ITGAM: variants seen among roughly 807,000 people sequenced by gnomAD.
ITGAM encodes integrin alpha-M.
A neutral mutation model predicts 137.5 loss-of-function variants in ITGAM; 79 were observed. That is an observed-to-expected ratio of 0.57 (90% CI 0.48 to 0.69). The LOEUF (loss-of-function observed/expected upper bound fraction) is 0.69, where lower values mean the gene tolerates loss of function less well. Ranked by LOEUF, ITGAM falls within the 30% of genes least tolerant of loss-of-function variation. ITGAM has a pLI of 0.00. For missense variants in ITGAM, 1,343 were observed against 1,483.5 expected, an observed-to-expected ratio of 0.91 and a Z score of 1.56; for synonymous variants, 583 against 592.3, an observed-to-expected ratio of 0.98 and a Z score of 0.23.
chr16:31,274,901 G>A (rs1466267457), intron 8 of ITGAM, among the ~76,000 whole-genome samples: 1 of 152,208 alleles, frequency 6.6e-6, no homozygotes, highest in Admixed American at 6.5e-5. Context: ...TTATAGGCAT[G>A]AGCCACTGCA....
intron 19 of ITGAM, 94 bp downstream of exon 19, chr16:31,325,125 C>T (rs2080493552): frequency 1.4e-6 from 2 of 1,473,182 alleles, no homozygotes; most frequent in African/African-American, 1.4e-5. Context: ...CCGGGTGTTC[C>T]TGGGCTATAA....
chr16:31,265,423 G>T lies in ITGAM; in HGVS notation c.163G>T (p.Val55Leu). 6.2e-7 allele frequency: 1 copy of T among 1,606,580 alleles called. No individual in the cohort carries two copies. The highest frequency in any genetic ancestry group is 8.5e-7 in the Non-Finnish European group (1 of 1,177,044). The part of the protein sequence containing the change: ...RVVVGAPQEI[V>L]AANQRGSLYQ... ...GGTGGTTGGAGCCCCCCAGGAGATA[G>T]TGGCTGCCAACCAAAGGGGCAGCCT... The change falls in exon 3 of 30, where the codon GTG becomes TTG. Residue 55 changes from valine (V) to leucine (L), a missense_variant. Val to Leu is a conservative substitution (Grantham distance 32). Transcript: ENST00000544665.
Position 31,321,769 on chromosome 16 carries a change from G to A in ITGAM, c.2002+142G>A, listed in dbSNP as rs41469346. Reference sequence around the variant, plus strand: ...AACCTTCTCCAAGCCTTACCTGAGTGAGCAGGCTATTGTCCTGCTGGGTAG... The same window carrying A: ...AACCTTCTCCAAGCCTTACCTGAGTAAGCAGGCTATTGTCCTGCTGGGTAG... On this transcript the variant is annotated intron_variant, in intron 16 of 29. Coordinates refer to ENST00000544665, the MANE Select transcript of ITGAM (RefSeq NM_000632.4). The A allele has an allele frequency of 4.5e-5, 38 of 851,360 alleles. No homozygotes were observed. The African/African-American group carries it at 6.3e-4, about 14-fold the overall frequency. 52.7% of individuals were successfully genotyped at this position (851,360 alleles called of 1,614,324 possible). A position where few individuals can be genotyped will look rare whatever the true frequency, so the allele number is the denominator to read the frequency against.
chr16:31,280,453 A>G (rs970283962), intron 12 of ITGAM, among the ~76,000 whole-genome samples: 2 of 152,168 alleles, frequency 1.3e-5, no homozygotes, highest in South Asian at 2.1e-4. Flanking sequence ...GGTCCTTCAC[A>G]TCCCTTGTAA....
At chr16:31,314,821 G>GT (rs369241453) in intron 14 of ITGAM, among the ~76,000 whole-genome samples, 4,977 of 130,834 alleles carry the variant, frequency 0.038, 115 homozygotes, top group African/African-American at 0.059. Flanking sequence ...AGGAGGCAGG[G>GT]TTTTTTTTTT....
rs758993544 is a variant in ITGAM at position 31,321,576 on chromosome 16, G to A, written c.1951G>A (p.Val651Ile). The A allele has an allele frequency of 9.1e-5, 147 of 1,613,904 alleles. No homozygotes were observed. Among genetic ancestry groups the A allele is most frequent in the Non-Finnish European group, 1.2e-4 (141 of 1,179,902 alleles). ...GGTGAAAGGCAAGGAAGCCGGAGAGGTCAGAGTCTGCCTCCATGTCCAGAA... is the reference window on the plus strand; with the variant it reads ...GGTGAAAGGCAAGGAAGCCGGAGAGATCAGAGTCTGCCTCCATGTCCAGAA... ...QVVKGKEAGE[V>I]RVCLHVQKST... The change falls in exon 16 of 30, where the codon GTC becomes ATC. Residue 651 changes from valine (V) to isoleucine (I), a missense_variant. Transcript: ENST00000544665.
intron 14 of ITGAM, among the ~76,000 whole-genome samples, chr16:31,299,329 GA>G (rs1279942117): frequency 5.3e-5 from 8 of 151,944 alleles, no homozygotes; most frequent in Admixed American, 6.6e-5. Context: ...TAGTTTTTGA[GA>G]CAAAAGTTTC....
intron 14 of ITGAM, among the ~76,000 whole-genome samples, chr16:31,301,801 G>T: frequency 6.6e-6 from 1 of 152,136 alleles, no homozygotes; most frequent in East Asian, 1.9e-4. Context: ...AATATGAAGA[G>T]CTTTATTATA....
chr16:31,265,939 G>C, intron 4 of ITGAM, 58 bp downstream of exon 4: 2 of 1,595,304 alleles, frequency 1.3e-6, no homozygotes, highest in South Asian at 2.2e-5. Context: ...GCCCACGCAT[G>C]GTGGGGCTGG....
chr16:31,278,069 C>A lies in ITGAM; in HGVS notation c.1316C>A (p.Thr439Asn). ...IGLVAMFRQN[T>N]GMWESNANVK... ...CTGGTAGCGATGTTCAGGCAGAACA[C>A]TGGCATGTGGGAGTCCAACGCTAAT... The change falls in exon 12 of 30, where the codon ACT (threonine) becomes AAT (asparagine). Residue 439 changes from threonine (T) to asparagine (N), a missense_variant. Transcript: ENST00000544665. 1 of 1,608,696 alleles carries A rather than the reference C, an allele frequency of 6.2e-7. No homozygotes were observed. Among genetic ancestry groups the A allele is most frequent in the Non-Finnish European group, 8.5e-7 (1 of 1,177,666 alleles).
At chr16:31,315,422 T>G (rs917324550) in intron 14 of ITGAM, among the ~76,000 whole-genome samples, 2 of 151,480 alleles carry the variant, frequency 1.3e-5, no homozygotes, top group South Asian at 2.1e-4. Flanking sequence ...AGATCTTACA[T>G]TTAAGCCTTT....
intron 14 of ITGAM, among the ~76,000 whole-genome samples, chr16:31,308,328 T>C (rs1003949398): frequency 9.2e-5 from 14 of 152,014 alleles, no homozygotes; most frequent in Non-Finnish European, 1.8e-4. Flanking sequence ...AATTTCAGAG[T>C]CTGTTATTGG....
At chr16:31,320,964 G>A (rs956267919) in intron 14 of ITGAM, among the ~76,000 whole-genome samples, 5 of 152,168 alleles carry the variant, frequency 3.3e-5, no homozygotes. Flanking sequence ...CTTGAGCCCA[G>A]GAGTTCAAGA....
intron 22 of ITGAM, 44 bp from the exon 23 acceptor site, chr16:31,328,103 T>G: frequency 6.9e-7 from 1 of 1,447,728 alleles, no homozygotes; most frequent in Non-Finnish European, 9.7e-7. Flanking sequence ...AAAGACTAAC[T>G]GTCAGTTCTC....
chr16:31,314,801 C>T (rs1396329029), intron 14 of ITGAM, among the ~76,000 whole-genome samples: 1 of 150,648 alleles, frequency 6.6e-6, no homozygotes, highest in Non-Finnish European at 1.5e-5. Context: ...GCTGTTCCTC[C>T]TGTGGTAGTA....
At chr16:31,291,783 C>A (rs2080089696) in intron 12 of ITGAM, among the ~76,000 whole-genome samples, 1 of 151,696 alleles carries the variant, frequency 6.6e-6, no homozygotes, top group Non-Finnish European at 1.5e-5. Flanking sequence ...TTACTAGAGA[C>A]TGGGAAGGGT....
chr16:31,329,957 T>A, intron 25 of ITGAM, 52 bp downstream of exon 25: 1 of 1,533,426 alleles, frequency 6.5e-7, no homozygotes, highest in Non-Finnish European at 8.9e-7. Context: ...TCCTCTCACC[T>A]CTGTTAATGC....
intron 16 of ITGAM, among the ~76,000 whole-genome samples, chr16:31,323,170 G>A (rs890395792): frequency 7.2e-5 from 11 of 152,120 alleles, no homozygotes; most frequent in Middle Eastern, 6.8e-3. Context: ...GGTGGCTCAC[G>A]CCTGTAATCC....
At chr16:31,300,682 G>A (rs1024358922) in intron 14 of ITGAM, among the ~76,000 whole-genome samples, 5 of 152,156 alleles carry the variant, frequency 3.3e-5, no homozygotes, top group African/African-American at 7.2e-5. Context: ...AAGCCGAGGC[G>A]GGTGTATCAC....
Sources: gnomAD v4.1 joint callset for allele counts (sites outside exome capture counted in the v4.1 genomes callset) on GRCh38, gnomAD v4.1.1 for gene constraint, MANE v1.5 for transcripts, NCBI Gene and HGNC (gene_info 2026-07-23, HGNC 2026-07-21) for gene names.